The following NYAP2 variants were observed in gnomAD, a reference collection of about 807,000 sequenced individuals.
NYAP2 encodes neuronal tyrosine-phosphorylated phosphoinositide-3-kinase adapter 2.
Under a neutral mutation model 50.4 loss-of-function variants are expected in NYAP2, and 23 were observed. The ratio of observed to expected loss-of-function variants is 0.46; its 90% confidence interval spans 0.33 to 0.65. NYAP2 has a LOEUF of 0.65. Among genes scored for constraint, NYAP2 ranks in the 30% least tolerant of loss-of-function variants. The pLI is 0.02. For synonymous variants in NYAP2, 394 were observed against 365.2 expected (o/e 1.08, Z -0.90); for missense variants, 885 against 861.0 (o/e 1.03, Z -0.35).
chr2:225,512,819 TTCTC>T lies in NYAP2; in HGVS notation c.222-536_222-533del, dbSNP rs145877640. Among the ~76,000 whole-genome samples, 423 of 71,452 alleles carry T rather than the reference TTCTC, an allele frequency of 5.9e-3. 3 individuals are homozygous for T. The highest frequency in any genetic ancestry group is 8.3e-3 in the Non-Finnish European group (330 of 39,636). 46.9% of individuals were successfully genotyped at this position (71,452 alleles called of 152,430 possible). The stretch of plus-strand genomic sequence containing the variant: ...CCCTCCCTCTCTTTCTTTTCTTTCT[TTCTC>T]TCTCTCTCTCTCTCTTTCTTTCTTT... On this transcript the variant is annotated intron_variant, in intron 3 of 6. Transcript: ENST00000636099.
intron 3 of NYAP2, among the ~76,000 whole-genome samples, chr2:225,465,670 C>T (rs542639581): frequency 3.5e-4 from 53 of 152,208 alleles, no homozygotes; most frequent in Non-Finnish European, 6.3e-4. Context: ...GAGCCGAGAT[C>T]GCGCCACTGC....
chr2:225,665,478 G>A, the NYAP2 span, among the ~76,000 whole-genome samples: 4 of 151,872 alleles, frequency 2.6e-5, no homozygotes, highest in Non-Finnish European at 4.4e-5. Flanking sequence ...CACAAAAATG[G>A]AGCGTTTTAA....
rs553738980 is a variant in NYAP2 at position 225,480,040 on chromosome 2, C to T, written c.222-33331C>T. 1.8e-3 allele frequency among the ~76,000 whole-genome samples: 279 copies of T among 152,218 alleles called. 1 individual carries two copies. The highest frequency in any genetic ancestry group is 0.01 in the Middle Eastern group (3 of 294). On this transcript the variant is annotated intron_variant, in intron 3 of 6. Transcript: ENST00000636099. Reference sequence around the variant, plus strand: ...CAAGTAACTTTGGTAAAAGTTAAGTCAATCAAAGTATGTATTACTTTCTAA... The same window carrying T: ...CAAGTAACTTTGGTAAAAGTTAAGTTAATCAAAGTATGTATTACTTTCTAA...
intron 4 of NYAP2, among the ~76,000 whole-genome samples, chr2:225,547,879 T>G (rs1440320728): frequency 6.6e-6 from 1 of 152,230 alleles, no homozygotes; most frequent in East Asian, 1.9e-4. Context: ...TGATTCTATT[T>G]AGCCATCTTG....
chr2:225,440,772 A>C (rs965562239), intron 3 of NYAP2, among the ~76,000 whole-genome samples: 12 of 152,220 alleles, frequency 7.9e-5, no homozygotes, highest in Admixed American at 5.2e-4. Context: ...AATTTATCTA[A>C]CTTCTGGTTT....
the NYAP2 span, among the ~76,000 whole-genome samples, chr2:225,696,028 C>A: frequency 6.6e-6 from 1 of 151,884 alleles, no homozygotes; most frequent in Non-Finnish European, 1.5e-5. Flanking sequence ...TTTTTATTCA[C>A]TCATAAAGCC....
intron 5 of NYAP2, among the ~76,000 whole-genome samples, chr2:225,611,053 T>C (rs1692874813): frequency 6.6e-6 from 1 of 152,182 alleles, no homozygotes; most frequent in Non-Finnish European, 1.5e-5. Context: ...GCAAGCTGGT[T>C]GAGTTTGGGA....
At chr2:225,641,142 C>T (rs1349565685) in intron 6 of NYAP2, among the ~76,000 whole-genome samples, 1 of 152,064 alleles carries the variant, frequency 6.6e-6, no homozygotes, top group African/African-American at 2.4e-5. Flanking sequence ...ACCCTGTGCC[C>T]TCTCCTAGAG....
At chr2:225,451,592 T>G (rs1021991494) in intron 3 of NYAP2, among the ~76,000 whole-genome samples, 23 of 152,202 alleles carry the variant, frequency 1.5e-4, no homozygotes, top group Non-Finnish European at 3.2e-4. Flanking sequence ...GAATAACAGG[T>G]AGACCACTTT....
intron 5 of NYAP2, among the ~76,000 whole-genome samples, chr2:225,613,606 C>A (rs567724101): frequency 6.6e-6 from 1 of 152,206 alleles, no homozygotes; most frequent in South Asian, 2.1e-4. Context: ...AGCATCTGAC[C>A]CATAGTAGCC....
chr2:225,595,106 C>G (rs6436573), intron 5 of NYAP2, among the ~76,000 whole-genome samples: 139,771 of 152,012 alleles, frequency 0.92, 64,365 homozygotes, highest in Middle Eastern at 0.97. Context: ...TATTCTACTA[C>G]TCAACTTTCA....
At chr2:225,605,696 T>C (rs937705330) in intron 5 of NYAP2, among the ~76,000 whole-genome samples, 2 of 152,190 alleles carry the variant, frequency 1.3e-5, no homozygotes, top group Admixed American at 1.3e-4. Flanking sequence ...ATGGCAATCA[T>C]CTTCAAACTT....
intron 4 of NYAP2, among the ~76,000 whole-genome samples, chr2:225,517,773 T>C (rs10170978): frequency 0.01 from 1,593 of 152,230 alleles, 16 homozygotes; most frequent in Non-Finnish European, 0.017. Context: ...AGAAAAGATA[T>C]GCACACCCAC....
At chr2:225,633,179 G>A (rs1693351819) in intron 6 of NYAP2, among the ~76,000 whole-genome samples, 1 of 152,242 alleles carries the variant, frequency 6.6e-6, no homozygotes, top group South Asian at 2.1e-4. Context: ...CCTGACAGAA[G>A]TGTTTTTGGA....
intron 3 of NYAP2, among the ~76,000 whole-genome samples, chr2:225,496,356 C>A (rs1690505326): frequency 1.3e-5 from 2 of 152,028 alleles, no homozygotes; most frequent in Admixed American, 1.3e-4. Flanking sequence ...AGTGTGTGGC[C>A]AGGGAATATG....
chr2:225,441,291 C>G (rs1194488760), intron 3 of NYAP2, among the ~76,000 whole-genome samples: 1 of 152,146 alleles, frequency 6.6e-6, no homozygotes, highest in Non-Finnish European at 1.5e-5. Context: ...GATAGAATAG[C>G]TGTCTTTAAT....
At chr2:225,533,373 T>C (rs1233312678) in intron 4 of NYAP2, among the ~76,000 whole-genome samples, 2 of 152,148 alleles carry the variant, frequency 1.3e-5, no homozygotes, top group Admixed American at 6.5e-5. Flanking sequence ...CTCTGTGTGA[T>C]ATAAGAGCTG....
At chr2:225,443,606 TAAAA>T (rs921529486) in intron 3 of NYAP2, among the ~76,000 whole-genome samples, 1 of 148,862 alleles carries the variant, frequency 6.7e-6, no homozygotes, top group African/African-American at 2.5e-5. Flanking sequence ...CTGTCTAAAA[TAAAA>T]AAAAAGAAAA....
At chr2:225,550,978 A>G (rs1484875894) in intron 4 of NYAP2, among the ~76,000 whole-genome samples, 1 of 152,226 alleles carries the variant, frequency 6.6e-6, no homozygotes, top group Admixed American at 6.5e-5. Context: ...TTAAAGTAAT[A>G]GAAGACTCAG....
Sources: allele counts gnomAD v4.1 joint callset (sites outside exome capture counted in the v4.1 genomes callset), GRCh38; gene constraint gnomAD v4.1.1; transcripts MANE v1.5; gene names NCBI Gene and HGNC (gene_info 2026-07-23, HGNC 2026-07-21).